CNTN5: variants seen among roughly 807,000 people sequenced by gnomAD.
CNTN5 encodes contactin-5.
In CNTN5, 77 loss-of-function variants were observed where a neutral mutation model predicts 129.1. The observed-to-expected ratio is 0.60, with a 90% CI of 0.50 to 0.72. The LOEUF (loss-of-function observed/expected upper bound fraction) is 0.72, where lower values mean the gene tolerates loss of function less well. Among genes scored for constraint, CNTN5 ranks in the 30% least tolerant of loss-of-function variants. CNTN5 has a pLI of 0.00. For missense variants in CNTN5, 1,478 were observed against 1,328.8 expected (o/e 1.11, Z -1.75); for synonymous variants, 509 against 465.6 (o/e 1.09, Z -1.20).
At chr11:99,770,025 C>T (rs1034918485) in intron 3 of CNTN5, among the ~76,000 whole-genome samples, 2 of 151,974 alleles carry the variant, frequency 1.3e-5, no homozygotes, top group East Asian at 3.9e-4. Context: ...GTATCACTAC[C>T]TAAAATCTAT....
intron 1 of CNTN5, among the ~76,000 whole-genome samples, chr11:99,244,419 A>T (rs1366161755): frequency 3.9e-5 from 6 of 152,122 alleles, no homozygotes; most frequent in African/African-American, 1.4e-4. Flanking sequence ...CCCAGAGCCT[A>T]CCTCATTCCT....
chr11:99,569,691 T>C (rs1429160333), intron 3 of CNTN5, among the ~76,000 whole-genome samples: 3 of 152,178 alleles, frequency 2.0e-5, no homozygotes, highest in Non-Finnish European at 2.9e-5. Context: ...TATGGAGGCA[T>C]GATGGGATAA....
chr11:99,829,792 G>GT (rs1947079779), intron 4 of CNTN5, among the ~76,000 whole-genome samples: 1 of 152,144 alleles, frequency 6.6e-6, no homozygotes, highest in African/African-American at 2.4e-5. Flanking sequence ...AAGGTTTAAA[G>GT]TAAAAATATG....
At chr11:99,581,732 A>G (rs1323554302) in intron 3 of CNTN5, among the ~76,000 whole-genome samples, 2 of 152,192 alleles carry the variant, frequency 1.3e-5, no homozygotes, top group Non-Finnish European at 2.9e-5. Flanking sequence ...GTGTCTCAGC[A>G]CATGAGATGG....
At chr11:99,999,594 T>A (rs1939716337) in intron 8 of CNTN5, among the ~76,000 whole-genome samples, 1 of 152,200 alleles carries the variant, frequency 6.6e-6, no homozygotes, top group Admixed American at 6.5e-5. Flanking sequence ...TGGAAGTCAG[T>A]GTGGCGATTC....
intron 2 of CNTN5, among the ~76,000 whole-genome samples, chr11:99,360,702 C>G (rs1452767030): frequency 6.6e-6 from 1 of 152,124 alleles, no homozygotes; most frequent in Non-Finnish European, 1.5e-5. Context: ...TGTGGTCCCT[C>G]TTCTATTGTC....
At chr11:99,167,328 A>T (rs67395440) in intron 1 of CNTN5, among the ~76,000 whole-genome samples, 36,672 of 152,040 alleles carry the variant, frequency 0.24, 4,559 homozygotes, top group Middle Eastern at 0.27. Flanking sequence ...TATATTTTGC[A>T]TTATGTAAAT....
intron 3 of CNTN5, among the ~76,000 whole-genome samples, chr11:99,776,572 T>C (rs906603074): frequency 6.6e-6 from 1 of 151,860 alleles, no homozygotes; most frequent in African/African-American, 2.4e-5. Context: ...CAGTGTTCTT[T>C]CCATAACTTT....
chr11:99,724,010 G>A (rs10893792), intron 3 of CNTN5, among the ~76,000 whole-genome samples: 68,977 of 151,906 alleles, frequency 0.45, 16,218 homozygotes, highest in East Asian at 0.68. Context: ...GAATTCTTGG[G>A]TTTGTGTCTC....
At chr11:99,777,856 C>T (rs1945179058) in intron 3 of CNTN5, among the ~76,000 whole-genome samples, 1 of 151,738 alleles carries the variant, frequency 6.6e-6, no homozygotes, top group African/African-American at 2.4e-5. Context: ...TACCTAATCA[C>T]TCCATCCACA....
intron 13 of CNTN5, among the ~76,000 whole-genome samples, chr11:100,144,913 T>C (rs756485805): frequency 6.6e-6 from 1 of 150,622 alleles, no homozygotes; most frequent in Non-Finnish European, 1.5e-5. Context: ...CATTTCTCTA[T>C]CATCTGTCTC....
At chr11:99,276,938 AGAG>A (rs1863465280) in intron 1 of CNTN5, among the ~76,000 whole-genome samples, 1 of 151,634 alleles carries the variant, frequency 6.6e-6, no homozygotes, top group Admixed American at 6.6e-5. Context: ...TTGCAAAAGA[AGAG>A]TCAAAAGGCT....
At chr11:99,406,773 GC>G (rs1942088863) in intron 2 of CNTN5, among the ~76,000 whole-genome samples, 2 of 152,182 alleles carry the variant, frequency 1.3e-5, no homozygotes, top group African/African-American at 2.4e-5. Flanking sequence ...ATAAGACACA[GC>G]TTTTTTCCGC....
At chr11:99,715,293 T>G (rs533237794) in intron 3 of CNTN5, among the ~76,000 whole-genome samples, 26 of 151,836 alleles carry the variant, frequency 1.7e-4, no homozygotes, top group African/African-American at 6.3e-4. Flanking sequence ...TTACATAAAA[T>G]CTGAGTAACA....
intron 13 of CNTN5, among the ~76,000 whole-genome samples, chr11:100,100,646 A>T (rs1363616528): frequency 6.6e-6 from 1 of 152,136 alleles, no homozygotes; most frequent in Non-Finnish European, 1.5e-5. Flanking sequence ...TGATGAATCA[A>T]TCAAAAACTA....
chr11:99,509,743 A>G (rs117716037), intron 2 of CNTN5, among the ~76,000 whole-genome samples: 2,446 of 152,188 alleles, frequency 0.016, 101 homozygotes, highest in Admixed American at 0.091. Context: ...ACTGAGAAAA[A>G]AAGAGATTAT....
intron 2 of CNTN5, among the ~76,000 whole-genome samples, chr11:99,458,209 C>T (rs1944562687): frequency 6.6e-6 from 1 of 151,882 alleles, no homozygotes; most frequent in Admixed American, 6.6e-5. Context: ...AGTGTTAATT[C>T]TATCCTTATT....
intron 1 of CNTN5, among the ~76,000 whole-genome samples, chr11:99,267,036 T>TA (rs899317176): frequency 4.6e-5 from 7 of 150,950 alleles, no homozygotes; most frequent in Middle Eastern, 3.4e-3. Context: ...GAGAAGGCTT[T>TA]AAAAAAAAAG....
At chr11:100,079,952 C>T (rs1296330940) in intron 13 of CNTN5, among the ~76,000 whole-genome samples, 1 of 152,096 alleles carries the variant, frequency 6.6e-6, no homozygotes, top group Non-Finnish European at 1.5e-5. Context: ...CAGCAGTGCA[C>T]AAATATTAAG....
Sources: gnomAD v4.1 joint callset for allele counts (sites outside exome capture counted in the v4.1 genomes callset) on GRCh38, gnomAD v4.1.1 for gene constraint, MANE v1.5 for transcripts, NCBI Gene and HGNC (gene_info 2026-07-23, HGNC 2026-07-21) for gene names.